MME: variants seen among roughly 807,000 people sequenced by gnomAD.
The protein encoded by MME is neprilysin.
A neutral mutation model predicts 113.2 loss-of-function variants in MME; 98 were observed. The observed-to-expected ratio is 0.87, with a 90% CI of 0.74 to 1.02. MME has a LOEUF of 1.02. MME is among the 50% of genes least tolerant of loss of function. MME has a pLI of 0.00. For synonymous variants in MME, 292 were observed against 300.6 expected (o/e 0.97, Z 0.30); for missense variants, 836 against 896.0 (o/e 0.93, Z 0.86).
At chr3:155,065,397 T>A (rs946096404) in intron 1 of MME, among the ~76,000 whole-genome samples, 3 of 152,186 alleles carry the variant, frequency 2.0e-5, no homozygotes, top group South Asian at 2.1e-4. Flanking sequence ...TTAGAAAATA[T>A]TTATGAAATA....
At position 155,035,825 on chromosome 3, in the gene MME, T is replaced by C. The variant is rs533459010; in HGVS notation, c.-11+11501T>C. ...CATTGGCCATTGTAAGAGAGGTGTC[T>C]CTTATTTTGAAACAGAAAGTTGCCA... On this transcript the variant is annotated intron_variant, in intron 1 of 22. Transcript: ENST00000492661. 1.2e-3 allele frequency among the ~76,000 whole-genome samples: 186 copies of C among 152,286 alleles called. 1 individual carries two copies. The highest frequency in any genetic ancestry group is 2.1e-3 in the Non-Finnish European group (145 of 68,026).
chr3:155,180,255 C>A, intron 22 of MME, 105 bp from the exon 23 acceptor site: 1 of 853,026 alleles, frequency 1.2e-6, no homozygotes, highest in South Asian at 1.3e-5. Context: ...ACTTTAAATT[C>A]CAAATTCATT....
intron 3 of MME, chr3:155,085,422 A>G (rs1039763147): frequency 5.4e-6 from 1 of 185,138 alleles, no homozygotes; most frequent in African/African-American, 2.3e-5. Context: ...ATTGTGTTAA[A>G]TGTCTCAGTG....
At chr3:155,040,696 T>C (rs1713282352) in intron 1 of MME, among the ~76,000 whole-genome samples, 1 of 152,028 alleles carries the variant, frequency 6.6e-6, no homozygotes, top group Admixed American at 6.6e-5. Context: ...TTATACTATT[T>C]TCGAAAATTT....
chr3:155,057,062 A>C (rs558002922), intron 1 of MME, among the ~76,000 whole-genome samples: 18 of 152,336 alleles, frequency 1.2e-4, no homozygotes, highest in African/African-American at 4.3e-4. Context: ...TAACACACCA[A>C]AAGCAATGGC....
chr3:155,177,660 G>T (rs1194210190), intron 22 of MME, among the ~76,000 whole-genome samples: 1 of 152,100 alleles, frequency 6.6e-6, no homozygotes, highest in Non-Finnish European at 1.5e-5. Flanking sequence ...ACTTCTCCTT[G>T]TACTCTCACA....
intron 1 of MME, among the ~76,000 whole-genome samples, chr3:155,033,432 T>C (rs1713037419): frequency 6.6e-6 from 1 of 152,194 alleles, no homozygotes; most frequent in Non-Finnish European, 1.5e-5. Flanking sequence ...CAAAAACTGT[T>C]TTCTATTCAT....
chr3:155,155,420 T>G (rs1344580848), intron 16 of MME, among the ~76,000 whole-genome samples: 1 of 152,168 alleles, frequency 6.6e-6, no homozygotes, highest in African/African-American at 2.4e-5. Context: ...GCCACCACTC[T>G]CTATGACGTG....
At chr3:155,093,959 C>T (rs1432045470) in intron 3 of MME, among the ~76,000 whole-genome samples, 4 of 151,770 alleles carry the variant, frequency 2.6e-5, no homozygotes, top group African/African-American at 9.7e-5. Flanking sequence ...CTTGCTTCAT[C>T]AGCTTTATTC....
intron 1 of MME, among the ~76,000 whole-genome samples, chr3:155,061,607 T>G (rs569323415): frequency 6.6e-6 from 1 of 152,086 alleles, no homozygotes; most frequent in Non-Finnish European, 1.5e-5. Flanking sequence ...TTGGTGACTT[T>G]GTATAACTCA....
chr3:155,102,618 C>A (rs564178303), intron 3 of MME, among the ~76,000 whole-genome samples: 1 of 152,138 alleles, frequency 6.6e-6, no homozygotes, highest in Non-Finnish European at 1.5e-5. Context: ...TAGAACTTTG[C>A]GACCAGCCAG....
intron 8 of MME, among the ~76,000 whole-genome samples, chr3:155,124,990 G>T (rs1050014227): frequency 2.6e-5 from 4 of 152,144 alleles, no homozygotes; most frequent in Admixed American, 6.5e-5. Context: ...AAGCAAGCCT[G>T]GGCAATGGCA....
intron 22 of MME, among the ~76,000 whole-genome samples, chr3:155,177,717 T>C (rs1239627317): frequency 6.6e-6 from 1 of 152,160 alleles, no homozygotes; most frequent in East Asian, 1.9e-4. Context: ...ATGTAAGAAA[T>C]GGACATTTGT....
At chr3:155,085,564 C>T (rs1715624457) in intron 3 of MME, 1 of 152,482 alleles carries the variant, frequency 6.6e-6, no homozygotes, top group Non-Finnish European at 1.5e-5. Context: ...CAGAGTCTCG[C>T]TCTGTCGCCC....
chr3:155,127,164 A>G (rs1719749557), intron 8 of MME, among the ~76,000 whole-genome samples: 1 of 152,194 alleles, frequency 6.6e-6, no homozygotes, highest in South Asian at 2.1e-4. Context: ...CCACAGCAGT[A>G]AAAACACAAA....
chr3:155,077,303 T>C (rs1714779807), upstream of MME, among the ~76,000 whole-genome samples: 1 of 152,220 alleles, frequency 6.6e-6, no homozygotes, highest in Non-Finnish European at 1.5e-5. Context: ...TTCTGCAAAC[T>C]GCTAGAACCA....
At chr3:155,158,681 A>G (rs1005138526) in intron 16 of MME, 4 of 152,082 alleles carry the variant, frequency 2.6e-5, no homozygotes, top group Non-Finnish European at 4.4e-5. Flanking sequence ...CTGATCTCTC[A>G]ATTTTAGTCT....
intron 3 of MME, chr3:155,085,397 GGTAA>G: frequency 4.6e-6 from 1 of 216,606 alleles, no homozygotes; most frequent in Non-Finnish European, 9.0e-6. Flanking sequence ...CATATGAAAT[GGTAA>G]GTTTCGTATC....
intron 1 of MME, among the ~76,000 whole-genome samples, chr3:155,028,083 T>A (rs1292532822): frequency 6.6e-6 from 1 of 152,078 alleles, no homozygotes. Flanking sequence ...AGGAAAGGGG[T>A]GAGGACCATC....
Sources: allele counts gnomAD v4.1 joint callset (sites outside exome capture counted in the v4.1 genomes callset), GRCh38; gene constraint gnomAD v4.1.1; transcripts MANE v1.5; gene names NCBI Gene and HGNC (gene_info 2026-07-23, HGNC 2026-07-21).